Variants in SLC6A6 observed in about 807,000 individuals in gnomAD.
SLC6A6 encodes sodium- and chloride-dependent taurine transporter.
A neutral mutation model predicts 68.8 loss-of-function variants in SLC6A6; 16 were observed. That is an observed-to-expected ratio of 0.23 (90% confidence interval 0.16 to 0.35). The LOEUF is 0.35. SLC6A6 is among the 10% of genes least tolerant of loss of function. SLC6A6 has a pLI of 1.00. For synonymous variants in SLC6A6, 312 were observed against 315.4 expected (o/e 0.99, Z 0.12); for missense variants, 474 against 802.8 (o/e 0.59, Z 4.95).
chr3:14,481,732 A>T lies in SLC6A6; in HGVS notation c.1613A>T (p.Tyr538Phe). 1 of 1,613,796 alleles carries T rather than the reference A, an allele frequency of 6.2e-7. No individual in the cohort carries two copies. The highest frequency in any genetic ancestry group is 1.1e-5 in the South Asian group (1 of 91,058). The change falls in exon 14 of 15, where the codon TAC becomes TTC. Residue 538 changes from tyrosine to phenylalanine, a missense_variant. By Grantham distance (22) the Tyr-to-Phe change is conservative. Transcript: ENST00000622186. This position sits in a 1 kb window ranked among gnomAD's most constrained non-coding sequence, Gnocchi z 4.7. Reference protein sequence around the residue: ...VPLTYNKTYVYPNWAIGLGWS... With the variant: ...VPLTYNKTYVFPNWAIGLGWS... ...CTGACCTACAACAAAACATACGTGT[A>T]CCCCAACTGGGCCATTGGGCTGGGC...
intron 2 of SLC6A6, among the ~76,000 whole-genome samples, chr3:14,436,564 T>A (rs1486494152): frequency 3.5e-5 from 1 of 28,774 alleles, no homozygotes; most frequent in Non-Finnish European, 7.4e-5. Flanking sequence ...TTTTTTTTTT[T>A]TTTTTTTTTT....
intron 2 of SLC6A6, among the ~76,000 whole-genome samples, chr3:14,433,188 C>T (rs1400692143): frequency 1.3e-5 from 2 of 152,198 alleles, no homozygotes; most frequent in Non-Finnish European, 2.9e-5. Flanking sequence ...TCAGCCAGAG[C>T]TTTTGTTCCC....
chr3:14,438,756 C>A (rs1213147320), intron 2 of SLC6A6, among the ~76,000 whole-genome samples: 1 of 152,200 alleles, frequency 6.6e-6, no homozygotes, highest in Non-Finnish European at 1.5e-5. Flanking sequence ...AAGGACCTGG[C>A]CTCTTCCTAA....
At chr3:14,431,628 G>A (rs566040329) in intron 2 of SLC6A6, among the ~76,000 whole-genome samples, 3 of 152,292 alleles carry the variant, frequency 2.0e-5, no homozygotes, top group Admixed American at 6.5e-5. Flanking sequence ...GGTGGAGGGG[G>A]CCTAGGAATC....
chr3:14,445,813 G>A lies in SLC6A6; in HGVS notation c.326G>A (p.Gly109Asp). ...IIIGQYTSEGGITCWEKICPL... is the reference protein window; with the variant it reads ...IIIGQYTSEGDITCWEKICPL... ...ATAGGCCAGTACACCTCTGAAGGGGGCATCACCTGCTGGGAAAAGATCTGC... is the reference window on the plus strand; with the variant it reads ...ATAGGCCAGTACACCTCTGAAGGGGACATCACCTGCTGGGAAAAGATCTGC... Residue 109 changes from glycine (G) to aspartate (D), a missense_variant, in exon 4 of 15, where the codon GGC (glycine) becomes GAC (aspartate). This residue lies in a region of SLC6A6 where 280 missense variants were observed against 533.1 expected (regional missense o/e 0.53). Transcript: ENST00000622186. The A allele has an allele frequency of 6.2e-7, 1 of 1,614,182 alleles. No individual in the cohort carries two copies. Among genetic ancestry groups the A allele is most frequent in the Non-Finnish European group, 8.5e-7 (1 of 1,179,984 alleles).
chr3:14,464,638 C>G (rs896387875), intron 6 of SLC6A6, among the ~76,000 whole-genome samples: 1 of 152,166 alleles, frequency 6.6e-6, no homozygotes, highest in Non-Finnish European at 1.5e-5. Context: ...TGTCGAGGGT[C>G]GTGGTGCCAG....
At chr3:14,479,268 C>T in intron 13 of SLC6A6, 83 bp downstream of exon 13, 1 of 890,248 alleles carries the variant, frequency 1.1e-6, no homozygotes, top group Non-Finnish European at 1.9e-6. Flanking sequence ...ATCTTTCATG[C>T]AGCATCTGTT....
chr3:14,428,197 A>T (rs1699644982), intron 2 of SLC6A6, among the ~76,000 whole-genome samples: 1 of 152,172 alleles, frequency 6.6e-6, no homozygotes, highest in Non-Finnish European at 1.5e-5. Context: ...GGAGAGAGAC[A>T]GTTGGAATAG....
chr3:14,481,916 G>A lies in SLC6A6; in HGVS notation c.1722+75G>A. The A allele has an allele frequency of 7.6e-7, 1 of 1,316,742 alleles. No individual in the cohort carries two copies. The highest frequency in any genetic ancestry group is 2.0e-5 in the Admixed American group (1 of 50,914). 81.6% of individuals were successfully genotyped at this position (1,316,742 alleles called of 1,614,324 possible). A position where few individuals can be genotyped will look rare whatever the true frequency, so the allele number is the denominator to read the frequency against. The stretch of plus-strand genomic sequence containing the variant: ...GGTGATTGTTGTCAGTTTGCTGCGT[G>A]ATCTCAGGCAAGTCACCTGCCCTCT... On this transcript the variant is annotated intron_variant, in intron 14 of 14. Transcript: ENST00000622186. This position sits in a 1 kb window ranked among gnomAD's most constrained non-coding sequence, Gnocchi z 4.7.
At chr3:14,445,674 G>A in intron 3 of SLC6A6, 43 bp from the exon 4 acceptor site, 3 of 1,613,038 alleles carry the variant, frequency 1.9e-6, no homozygotes, top group African/African-American at 1.3e-5. Flanking sequence ...CGTCGGCGCT[G>A]CCATGGCCAC....
At chr3:14,447,874 C>T (rs1700164971) in intron 5 of SLC6A6, 58 bp downstream of exon 5, 4 of 1,595,302 alleles carry the variant, frequency 2.5e-6, no homozygotes, top group Admixed American at 3.5e-5. Flanking sequence ...GAGGATGGCC[C>T]ACTTCCTTAT....
At chr3:14,443,945 G>A in intron 3 of SLC6A6, 82 bp downstream of exon 3, 1 of 995,930 alleles carries the variant, frequency 1.0e-6, no homozygotes, top group Non-Finnish European at 1.6e-6. Context: ...AGCGTGGGTG[G>A]CCTCTCTTTC....
chr3:14,482,739 G>A (rs1272174830), intron 14 of SLC6A6, among the ~76,000 whole-genome samples: 1 of 151,924 alleles, frequency 6.6e-6, no homozygotes, highest in Non-Finnish European at 1.5e-5. Context: ...CCTTGAAACT[G>A]GGGGGGCCCC....
chr3:14,427,213 A>G (rs1308981063), intron 2 of SLC6A6, among the ~76,000 whole-genome samples: 1 of 147,260 alleles, frequency 6.8e-6, no homozygotes, highest in Non-Finnish European at 1.5e-5. Context: ...ACAGGCAGGC[A>G]GCTCTTCCAG....
rs749239989 is a variant in SLC6A6 at position 14,481,485 on chromosome 3, C to T, written c.1552-186C>T. 3.3e-5 allele frequency among the ~76,000 whole-genome samples: 5 copies of T among 151,874 alleles called. No homozygotes were observed. Among genetic ancestry groups the T allele is most frequent in the African/African-American group, 9.7e-5 (4 of 41,276 alleles). ...CACAGAAGGGTTTTGAGCAGGGAAA[C>T]GACTTACTGTGTTTTTACCGGGGCG... On this transcript the variant is annotated intron_variant, in intron 13 of 14. Coordinates refer to ENST00000622186, the MANE Select transcript of SLC6A6 (RefSeq NM_003043.6). This position sits in a 1 kb window ranked among gnomAD's most constrained non-coding sequence, Gnocchi z 4.7.
At chr3:14,410,149 C>T (rs1221057451) in intron 1 of SLC6A6, among the ~76,000 whole-genome samples, 1 of 147,322 alleles carries the variant, frequency 6.8e-6, no homozygotes, top group African/African-American at 2.6e-5. Context: ...TGCCCTCCAT[C>T]CTATGCGACA....
intron 1 of SLC6A6, among the ~76,000 whole-genome samples, chr3:14,408,638 A>G (rs993719043): frequency 4.6e-5 from 7 of 152,158 alleles, no homozygotes; most frequent in African/African-American, 1.7e-4. Flanking sequence ...ATATAAGGTT[A>G]TACATTTCCC....
chr3:14,428,111 A>G (rs1305408673), intron 2 of SLC6A6, among the ~76,000 whole-genome samples: 1 of 152,222 alleles, frequency 6.6e-6, no homozygotes, highest in Admixed American at 6.5e-5. Flanking sequence ...ATTGCTCAGC[A>G]AGAATATTGA....
intron 1 of SLC6A6, among the ~76,000 whole-genome samples, chr3:14,408,768 A>G (rs1310350403): frequency 6.7e-6 from 1 of 149,576 alleles, no homozygotes; most frequent in African/African-American, 2.5e-5. Context: ...ATTATTTGGG[A>G]TCTGTTTGGA....
Sources: gnomAD v4.1 joint callset for allele counts (sites outside exome capture counted in the v4.1 genomes callset) on GRCh38, gnomAD v4.1.1 for gene constraint, gnomAD v4.1.1 regional missense constraint, Gnocchi (gnomAD v3.1) non-coding constraint, MANE v1.5 for transcripts, NCBI Gene and HGNC (gene_info 2026-07-23, HGNC 2026-07-21) for gene names.